Variants in MUC4 observed in about 807,000 individuals in gnomAD.
MUC4 encodes the protein mucin 4, cell surface associated, also known as mucin-4.
MUC4 carries 202 observed loss-of-function variants against 257.9 expected under a neutral mutation model. The ratio of observed to expected loss-of-function variants is 0.78; its 90% CI spans 0.70 to 0.88. The LOEUF is 0.88. Ranked by LOEUF, MUC4 falls within the 40% of genes least tolerant of loss-of-function variation. The pLI is 0.00. For synonymous variants in MUC4, 2,351 were observed against 2,757.1 expected (o/e 0.85, Z 4.62); for missense variants, 5,976 against 6,513.7 (o/e 0.92, Z 2.84).
chr3:195,805,744 G>A (rs1221350950), intron 1 of MUC4, among the ~76,000 whole-genome samples: 4 of 149,774 alleles, frequency 2.7e-5, no homozygotes, highest in Non-Finnish European at 5.9e-5. Context: ...TGATCTGCCC[G>A]CTTCAGCTTC....
intron 19 of MUC4, 189 bp downstream of exon 19, chr3:195,754,024 C>T (rs1717012954): frequency 1.4e-6 from 1 of 736,084 alleles, no homozygotes; most frequent in South Asian, 2.1e-5. Flanking sequence ...CCTTTCCAGG[C>T]CTGCCTAGAT....
intron 17 of MUC4, 83 bp downstream of exon 17, chr3:195,759,041 G>A: frequency 6.6e-7 from 1 of 1,519,054 alleles, no homozygotes; most frequent in Non-Finnish European, 9.0e-7. Context: ...GCTGGGTGTA[G>A]CAATGCAGAA....
In MUC4 at chr3:195,781,140, T is replaced by A; in HGVS notation, c.10440A>T (p.Ser3480=). The change falls in exon 2 of 25, where the codon TCA becomes TCT. Residue 3480 remains serine, a synonymous_variant. Coordinates refer to ENST00000463781, the MANE Select transcript of MUC4 (RefSeq NM_018406.7). ...TTPLPVTSPS[S]ASTGHTTPLH... is the part of the protein sequence containing the mutation. Reference sequence around the variant, plus strand: ...GAGGGGTGGTGTGACCTGTAGATGCTGAGGAAGGGCTGGTGACAGGAAGAG... The same window carrying A: ...GAGGGGTGGTGTGACCTGTAGATGCAGAGGAAGGGCTGGTGACAGGAAGAG... 4 of 1,465,174 alleles carry A rather than the reference T, an allele frequency of 2.7e-6. No individual in the cohort carries two copies. Among genetic ancestry groups the A allele is most frequent in the Non-Finnish European group, 3.7e-6 (4 of 1,093,112 alleles). The allele number at this position is 1,465,174 out of a possible 1,614,324, so 90.8% of individuals were successfully genotyped here.
At chr3:195,809,544 T>C (rs1736418944) in intron 1 of MUC4, 1 of 152,456 alleles carries the variant, frequency 6.6e-6, no homozygotes, top group African/African-American at 2.4e-5. Context: ...CAGCTCCACT[T>C]GGTCCCCTTA....
Position 195,760,955 on chromosome 3 carries a change from A to G in MUC4, c.14777T>C (p.Leu4926Pro). The stretch of plus-strand genomic sequence containing the variant: ...GTGAAGTCCGATGCTTGCGTTGCGC[A>G]GGGCCAGGGTGTCATAGATGCATGA... ...DSSCIYDTLA[L>P]RNASIGLHTR... The change falls in exon 16 of 25, where the codon CTG (leucine) becomes CCG (proline). Residue 4926 changes from leucine to proline, a missense_variant. Transcript: ENST00000463781. The G allele has an allele frequency of 1.2e-6, 2 of 1,614,220 alleles. No individual in the cohort carries two copies. Among genetic ancestry groups the G allele is most frequent in the Non-Finnish European group, 1.7e-6 (2 of 1,180,030 alleles).
At chr3:195,774,368 G>A (rs560058825) in intron 3 of MUC4, 63 bp from the exon 4 acceptor site, 6 of 1,470,128 alleles carry the variant, frequency 4.1e-6, no homozygotes, top group Admixed American at 5.1e-5. Flanking sequence ...AGGGCTGAAA[G>A]GGATCCCAGA....
intron 3 of MUC4, among the ~76,000 whole-genome samples, chr3:195,775,948 A>C (rs1222415770): frequency 1.9e-5 from 1 of 51,920 alleles, no homozygotes; most frequent in Non-Finnish European, 3.4e-5. Flanking sequence ...TACCTTCCAC[A>C]CCCATACCTT....
At chr3:195,803,933 G>A (rs113312396) in intron 1 of MUC4, among the ~76,000 whole-genome samples, 22 of 152,300 alleles carry the variant, frequency 1.4e-4, no homozygotes, top group African/African-American at 4.8e-4. Context: ...CGGGGTGGAC[G>A]CTGTGACACT....
At chr3:195,761,458 T>G (rs769943075) in intron 15 of MUC4, 26 bp downstream of exon 15, 1 of 1,588,302 alleles carries the variant, frequency 6.3e-7, no homozygotes, top group Non-Finnish European at 8.6e-7. Context: ...CCTGCCCCTC[T>G]GCCCCAGGAC....
chr3:195,770,300 T>G lies in MUC4; in HGVS notation c.13314A>C (p.Thr4438=). The change falls in exon 6 of 25, where the codon ACA becomes ACC. Residue 4438 remains threonine (T), a synonymous_variant. Coordinates refer to ENST00000463781, the MANE Select transcript of MUC4 (RefSeq NM_018406.7). ...QQAESWIRKM[T]NNGGYKARWA... ...ACCTGGCCTTGTAGCCCCCGTTGTT[T>G]GTCATCTTTCTAATCCAAGACTCGG... The G allele has an allele frequency of 6.2e-7, 1 of 1,614,088 alleles. No homozygotes were observed. The highest frequency in any genetic ancestry group is 8.5e-7 in the Non-Finnish European group (1 of 1,179,996).
chr3:195,760,621 C>G lies in MUC4; in HGVS notation c.14848+263G>C, dbSNP rs375725075. On this transcript the variant is annotated intron_variant, in intron 16 of 24. Transcript: ENST00000463781. ...TATGGAGTGAAGGGGGCTGGGAAGG[C>G]ATCCAGCGCTAGGATGGACGGAGGG... 7.3e-3 allele frequency among the ~76,000 whole-genome samples: 509 copies of G among 69,816 alleles called. 6 individuals are homozygous for G. Among genetic ancestry groups the G allele is most frequent in the Non-Finnish European group, 0.014 (429 of 29,750 alleles). The allele number at this position is 69,816 out of a possible 152,430, so 45.8% of individuals were successfully genotyped here.
At chr3:195,811,394 G>A (rs1169471739) in intron 1 of MUC4, among the ~76,000 whole-genome samples, 2 of 151,822 alleles carry the variant, frequency 1.3e-5, no homozygotes, top group Non-Finnish European at 2.9e-5. Context: ...GGCTGGTCTC[G>A]AACTCCTGAC....
intron 1 of MUC4, among the ~76,000 whole-genome samples, chr3:195,805,331 G>A (rs570687846): frequency 1.3e-5 from 2 of 152,278 alleles, no homozygotes; most frequent in African/African-American, 4.8e-5. Context: ...AGAAGCTCCA[G>A]CACCAAACCA....
At position 195,747,224 on chromosome 3, in the gene MUC4, G is replaced by C. The variant is rs150973287; in HGVS notation, c.16191C>G (p.Ser5397=). 2 of 1,614,228 alleles carry C rather than the reference G, an allele frequency of 1.2e-6. No individual in the cohort carries two copies. Among genetic ancestry groups the C allele is most frequent in the South Asian group, 2.2e-5 (2 of 91,082 alleles). The part of the protein sequence containing the change: ...TFVVLRFWGC[S]GARFSYFLNS... Reference sequence around the variant, plus strand: ...TCAGGAAATAGGAGAACCTGGCCCCGGAGCAACCCCAGAAGCGCAGGACCA... The same window carrying C: ...TCAGGAAATAGGAGAACCTGGCCCCCGAGCAACCCCAGAAGCGCAGGACCA... The change falls in exon 25 of 25, where the codon TCC becomes TCG. Residue 5397 remains serine, a synonymous_variant. Transcript: ENST00000463781.
At position 195,765,130 on chromosome 3, in the gene MUC4, A is replaced by G. The variant is rs1028368680; in HGVS notation, c.13799-8T>C. 17 of 1,611,314 alleles carry G rather than the reference A, an allele frequency of 1.1e-5. No homozygotes were observed. The highest frequency in any genetic ancestry group is 1.4e-5 in the Non-Finnish European group (17 of 1,178,652). On this transcript the variant is annotated splice_polypyrimidine_tract_variant and splice_region_variant and intron_variant, in intron 9 of 24. Transcript: ENST00000463781. ...TGCCGAGGCCCCAGCGACCTGAAACAAGTCCAGTCCCACTCAGGCCCAGGC... is the reference window on the plus strand; with the variant it reads ...TGCCGAGGCCCCAGCGACCTGAAACGAGTCCAGTCCCACTCAGGCCCAGGC...
Position 195,780,974 on chromosome 3 carries a change from G to A in MUC4, c.10606C>T (p.Pro3536Ser), listed in dbSNP as rs573299369. The A allele has an allele frequency of 2.1e-5, 31 of 1,502,426 alleles. No individual in the cohort carries two copies. Among genetic ancestry groups the A allele is most frequent in the African/African-American group, 1.4e-4 (9 of 63,784 alleles). 93.1% of individuals were successfully genotyped at this position (1,502,426 alleles called of 1,614,324 possible). A position where few individuals can be genotyped will look rare whatever the true frequency, so the allele number is the denominator to read the frequency against. ...GAGGAAAGGCTGGTGACAGGAAGAG[G>A]CGTGGCGTGACCGGTGGATACTGAG... is the stretch of plus-strand genomic sequence containing the variant. ...TSSVSTGHAT[P>S]LPVTSLSSVS... is the part of the protein sequence containing the mutation. Residue 3536 changes from proline (P) to serine (S), a missense_variant, in exon 2 of 25, where the codon CCT becomes TCT. By Grantham distance (74) the Pro-to-Ser change is moderately conservative (BLOSUM62 -1). Around this residue, in one of 44 missense-constraint regions of MUC4, gnomAD observed 297 missense variants for 240.9 expected, o/e 1.23. Transcript: ENST00000463781.
chr3:195,760,006 T>C (rs1186508269), intron 16 of MUC4, among the ~76,000 whole-genome samples: 1 of 150,118 alleles, frequency 6.7e-6, no homozygotes, highest in Non-Finnish European at 1.5e-5. Flanking sequence ...GTGAAACCTC[T>C]TCACGGGTCT....
intron 15 of MUC4, 68 bp from the exon 16 acceptor site, chr3:195,761,185 A>G (rs1421221660): frequency 1.4e-6 from 2 of 1,444,238 alleles, no homozygotes; most frequent in Admixed American, 3.4e-5. Flanking sequence ...GTCCACCTCT[A>G]CCCCTCACTT....
Position 195,775,933 on chromosome 3 carries a change from A to G in MUC4, c.12944-1628T>C, listed in dbSNP as rs201569826. 4.2e-3 allele frequency among the ~76,000 whole-genome samples: 212 copies of G among 50,770 alleles called. 2 individuals carry two copies. Among genetic ancestry groups the G allele is most frequent in the African/African-American group, 0.012 (83 of 6,814 alleles). 33.3% of individuals were successfully genotyped at this position (50,770 alleles called of 152,430 possible). On this transcript the variant is annotated intron_variant, in intron 3 of 24. Coordinates refer to ENST00000463781, the MANE Select transcript of MUC4 (RefSeq NM_018406.7). Reference sequence around the variant, plus strand: ...TACCTTCCACACCCATACCTTCCACAGTCATACCTTCCACACCCATACCTT... The same window carrying G: ...TACCTTCCACACCCATACCTTCCACGGTCATACCTTCCACACCCATACCTT...
Sources: allele counts gnomAD v4.1 joint callset (sites outside exome capture counted in the v4.1 genomes callset), GRCh38; gene constraint gnomAD v4.1.1; regional missense constraint gnomAD v4.1.1; transcripts MANE v1.5; gene names NCBI Gene and HGNC (gene_info 2026-07-23, HGNC 2026-07-21).